Variants in ANXA8 observed in about 807,000 individuals in gnomAD.
The protein encoded by ANXA8 is VAC-beta.
ANXA8 carries 9 observed loss-of-function variants against 26.8 expected under a neutral mutation model. The observed-to-expected ratio is 0.34, with a 90% CI of 0.20 to 0.59. The LOEUF (loss-of-function observed/expected upper bound fraction) is 0.59, where lower values mean the gene tolerates loss of function less well. ANXA8 is among the 20% of genes least tolerant of loss of function. The pLI, the probability that ANXA8 is intolerant of heterozygous loss-of-function variation, is 0.84. For synonymous variants in ANXA8, 39 were observed against 94.8 expected, an observed-to-expected ratio of 0.41 and a Z score of 3.42; for missense variants, 83 against 238.5, an observed-to-expected ratio of 0.35 and a Z score of 4.29.
At chr10:47,665,472 C>A in the ANXA8 span, among the ~76,000 whole-genome samples, 5 of 151,154 alleles carry the variant, frequency 3.3e-5, no homozygotes, top group Admixed American at 6.6e-5. Flanking sequence ...TAATGTATTT[C>A]TCCATTGAAA....
the ANXA8 span, among the ~76,000 whole-genome samples, chr10:47,495,477 G>A: frequency 6.7e-6 from 1 of 148,206 alleles, no homozygotes. Context: ...GTACAGATGA[G>A]GTTTCACCAT....
At chr10:47,762,999 C>T in the ANXA8 span, 14 of 1,186,892 alleles carry the variant, frequency 1.2e-5, no homozygotes, top group Non-Finnish European at 3.2e-6. Flanking sequence ...AGAGTACCAC[C>T]CCCATCCCGG....
the ANXA8 span, among the ~76,000 whole-genome samples, chr10:47,937,016 G>T: frequency 1.3e-5 from 2 of 149,942 alleles, no homozygotes; most frequent in African/African-American, 4.9e-5. Flanking sequence ...GCTTGCTAAA[G>T]GGAGGCGGAG....
At chr10:47,718,558 C>T in the ANXA8 span, among the ~76,000 whole-genome samples, 2 of 20,994 alleles carry the variant, frequency 9.5e-5, no homozygotes, top group African/African-American at 2.4e-4. Flanking sequence ...GTTACATATT[C>T]GATCGCTACG....
chr10:47,627,658 C>T, the ANXA8 span, among the ~76,000 whole-genome samples: 1 of 150,090 alleles, frequency 6.7e-6, no homozygotes, highest in East Asian at 1.9e-4. Flanking sequence ...TAACTTTCTT[C>T]TGAAAATTCC....
At chr10:47,498,404 G>A in the ANXA8 span, among the ~76,000 whole-genome samples, 1 of 142,594 alleles carries the variant, frequency 7.0e-6, no homozygotes, top group Non-Finnish European at 1.5e-5. Context: ...TCTGCCTATG[G>A]ACAACTAGGC....
chr10:47,777,330 G>GT, the ANXA8 span, among the ~76,000 whole-genome samples: 117 of 151,742 alleles, frequency 7.7e-4, no homozygotes, highest in African/African-American at 2.7e-3. Context: ...TTTTATTTTT[G>GT]TTTTTTTAGA....
chr10:47,991,659 C>T, the ANXA8 span: 38 of 1,611,176 alleles, frequency 2.4e-5, 1 homozygote, highest in South Asian at 1.2e-4. Context: ...GAACCCAAAT[C>T]TCCTGCCAGC....
the ANXA8 span, among the ~76,000 whole-genome samples, chr10:47,888,998 G>C: frequency 9.1e-6 from 1 of 109,710 alleles, no homozygotes; most frequent in African/African-American, 3.7e-5. Flanking sequence ...GTGTGTGTGT[G>C]TGTGTGTGTG....
the ANXA8 span, among the ~76,000 whole-genome samples, chr10:47,980,453 A>T: frequency 1.3e-5 from 2 of 151,722 alleles, no homozygotes; most frequent in Non-Finnish European, 2.9e-5. Flanking sequence ...AATAGAAAAA[A>T]CACTAAGGGA....
upstream of ANXA8, among the ~76,000 whole-genome samples, chr10:47,486,729 C>T (rs1840056337): frequency 7.2e-6 from 1 of 138,754 alleles, no homozygotes; most frequent in Non-Finnish European, 1.6e-5. Context: ...GCAGGCAGAT[C>T]ACCTGAGGTC....
At chr10:47,977,433 T>C in the ANXA8 span, among the ~76,000 whole-genome samples, 1 of 151,130 alleles carries the variant, frequency 6.6e-6, no homozygotes, top group Non-Finnish European at 1.5e-5. Context: ...ATGTGTGACC[T>C]ATTCACAGGG....
the ANXA8 span, among the ~76,000 whole-genome samples, chr10:47,742,945 G>A: frequency 7.0e-5 from 10 of 141,998 alleles, no homozygotes; most frequent in Non-Finnish European, 1.2e-4. Context: ...ATGAGGTCAG[G>A]AGATCGAGAC....
the ANXA8 span, among the ~76,000 whole-genome samples, chr10:47,666,961 C>T: frequency 6.6e-6 from 1 of 152,032 alleles, no homozygotes; most frequent in Non-Finnish European, 1.5e-5. Context: ...ACTAACTCAA[C>T]CTAAACATTC....
chr10:47,623,257 TC>T, the ANXA8 span, among the ~76,000 whole-genome samples: 1 of 109,882 alleles, frequency 9.1e-6, no homozygotes, highest in South Asian at 3.0e-4. Context: ...CCAGTTTGCT[TC>T]TAAATGCCCA....
At chr10:47,673,398 C>T in the ANXA8 span, among the ~76,000 whole-genome samples, 1 of 151,310 alleles carries the variant, frequency 6.6e-6, no homozygotes. Flanking sequence ...TCTCACCCCA[C>T]ACTCTGGCAG....
intron 8 of ANXA8, 96 bp downstream of exon 8, chr10:47,474,209 C>T: frequency 1.6e-6 from 2 of 1,242,784 alleles, no homozygotes; most frequent in Non-Finnish European, 2.3e-6. Flanking sequence ...TGGCTCTCTC[C>T]CTAACTCTAG....
At chr10:47,563,583 T>G in the ANXA8 span, 1 of 865,128 alleles carries the variant, frequency 1.2e-6, no homozygotes, top group East Asian at 2.4e-5. Context: ...CCCCAACACA[T>G]TTTTTAAAAA....
At chr10:47,495,255 CATTATTATT>C in the ANXA8 span, among the ~76,000 whole-genome samples, 329 of 102,946 alleles carry the variant, frequency 3.2e-3, 4 homozygotes, top group Middle Eastern at 9.7e-3. Context: ...AGAAACATGG[CATTATTATT>C]ATTATTATTA....
Sources: allele counts gnomAD v4.1 joint callset (sites outside exome capture counted in the v4.1 genomes callset), GRCh38; gene constraint gnomAD v4.1.1; transcripts MANE v1.5; gene names NCBI Gene and HGNC (gene_info 2026-07-23, HGNC 2026-07-21).